Variants in ARHGEF28 observed in about 807,000 individuals in gnomAD.
ARHGEF28 encodes Rho guanine nucleotide exchange factor 28.
A neutral mutation model predicts 206.6 loss-of-function variants in ARHGEF28; 152 were observed. The ratio of observed to expected loss-of-function variants is 0.74; its 90% CI spans 0.64 to 0.84. The LOEUF (loss-of-function observed/expected upper bound fraction) is 0.84. ARHGEF28 is among the 40% of genes least tolerant of loss of function. ARHGEF28 has a pLI of 0.00. For synonymous variants in ARHGEF28, 763 were observed against 776.4 expected (o/e 0.98, Z 0.29); for missense variants, 2,028 against 2,073.2 (o/e 0.98, Z 0.42).
rs752676346 is a variant in ARHGEF28, at chr5:73,885,927, G to C, written c.3133G>C (p.Val1045Leu). Reference sequence around the variant, plus strand: ...CATGATTGCAACAGTGGATTTAAAAGTCAATGAATATGAGAAAAACCAAAA... The same window carrying C: ...CATGATTGCAACAGTGGATTTAAAACTCAATGAATATGAGAAAAACCAAAA... ...KDMIATVDLK[V>L]NEYEKNQKWL... The change falls in exon 25 of 36, where the codon GTC becomes CTC. Residue 1045 changes from valine to leucine, a missense_variant. Val to Leu is a conservative substitution (Grantham distance 32). This residue lies in a region of ARHGEF28 where 223 missense variants were observed against 289.9 expected (regional missense o/e 0.77). Coordinates refer to ENST00000513042, the MANE Select transcript of ARHGEF28 (RefSeq NM_001177693.2). The C allele has an allele frequency of 7.4e-6, 12 of 1,613,490 alleles. No individual in the cohort carries two copies. The highest frequency in any genetic ancestry group is 1.7e-5 in the Admixed American group (1 of 59,946).
chr5:73,797,999 A>T (rs1754923607), intron 9 of ARHGEF28, among the ~76,000 whole-genome samples: 1 of 152,196 alleles, frequency 6.6e-6, no homozygotes, highest in Admixed American at 6.5e-5. Context: ...ATTGTATTGG[A>T]CAGGGCAGAA....
At chr5:73,633,262 C>T (rs1220420398) in intron 1 of ARHGEF28, among the ~76,000 whole-genome samples, 1 of 152,140 alleles carries the variant, frequency 6.6e-6, no homozygotes, top group Non-Finnish European at 1.5e-5. Flanking sequence ...TCCTAACAGG[C>T]CATGGACCTG....
intron 31 of ARHGEF28, chr5:73,901,496 G>A (rs1762270474): frequency 5.1e-6 from 2 of 395,704 alleles, no homozygotes; most frequent in Non-Finnish European, 9.4e-6. Flanking sequence ...ACAAAGCAAC[G>A]ATTGAAAAGT....
At chr5:73,732,843 A>G (rs1218258676) in intron 2 of ARHGEF28, among the ~76,000 whole-genome samples, 1 of 152,234 alleles carries the variant, frequency 6.6e-6, no homozygotes, top group Non-Finnish European at 1.5e-5. Context: ...AAACACACAA[A>G]CAGTAGGAAA....
intron 16 of ARHGEF28, among the ~76,000 whole-genome samples, chr5:73,860,680 G>C (rs1283045559): frequency 1.3e-5 from 2 of 152,114 alleles, no homozygotes; most frequent in Admixed American, 6.6e-5. Flanking sequence ...TTCCAGGTAT[G>C]TTCATCTACA....
At chr5:73,874,891 G>T (rs889008788) in intron 22 of ARHGEF28, among the ~76,000 whole-genome samples, 4 of 150,918 alleles carry the variant, frequency 2.7e-5, no homozygotes, top group Non-Finnish European at 5.9e-5. Flanking sequence ...GTGTGCATGT[G>T]TCTTTATAGC....
chr5:73,872,806 T>C (rs1580015654), intron 21 of ARHGEF28, among the ~76,000 whole-genome samples, 193 bp from the exon 22 acceptor site: 1 of 152,232 alleles, frequency 6.6e-6, no homozygotes, highest in East Asian at 1.9e-4. Context: ...AATATCTGGA[T>C]AAAAGAAAAT....
intron 2 of ARHGEF28, among the ~76,000 whole-genome samples, chr5:73,719,448 T>G (rs899858640): frequency 6.6e-6 from 1 of 152,090 alleles, no homozygotes; most frequent in East Asian, 1.9e-4. Context: ...GATTTGAATT[T>G]TTCAAACTCT....
At chr5:73,771,514 C>G (rs1753222472) in intron 4 of ARHGEF28, among the ~76,000 whole-genome samples, 1 of 151,352 alleles carries the variant, frequency 6.6e-6, no homozygotes, top group Non-Finnish European at 1.5e-5. Context: ...CACCACCGCA[C>G]TCCAGCCTGG....
chr5:73,748,030 T>TA (rs1220188511), intron 2 of ARHGEF28, among the ~76,000 whole-genome samples: 19 of 152,092 alleles, frequency 1.2e-4, no homozygotes, highest in Non-Finnish European at 2.1e-4. Context: ...TTTTTTTATT[T>TA]AAAAAAAATC....
At position 73,670,450 on chromosome 5, in the gene ARHGEF28, A is replaced by G. The variant is rs571739806; in HGVS notation, c.-11-14391A>G. On this transcript the variant is annotated intron_variant, in intron 1 of 35. Coordinates refer to ENST00000513042, the MANE Select transcript of ARHGEF28 (RefSeq NM_001177693.2). ...TGATTCTAATTTTTGGCTATTACAA[A>G]TAAGACTGCTATGAACAATCATGTA... Among the ~76,000 whole-genome samples, 6 of 152,358 alleles carry G rather than the reference A, an allele frequency of 3.9e-5. No homozygotes were observed. In the South Asian group the frequency reaches 8.3e-4, roughly 21 times the overall value.
chr5:73,747,409 A>G (rs1442065590), intron 2 of ARHGEF28, among the ~76,000 whole-genome samples: 1 of 152,216 alleles, frequency 6.6e-6, no homozygotes, highest in African/African-American at 2.4e-5. Context: ...GTGGTTGGCT[A>G]TTTAAGCTGT....
At chr5:73,872,092 T>TTTGCA (rs1760140720) in intron 21 of ARHGEF28, among the ~76,000 whole-genome samples, 1 of 152,198 alleles carries the variant, frequency 6.6e-6, no homozygotes, top group African/African-American at 2.4e-5. Flanking sequence ...GCTATACCAT[T>TTTGCA]TTGCATTCCC....
chr5:73,696,968 G>A (rs1187967316), intron 2 of ARHGEF28, among the ~76,000 whole-genome samples: 1 of 152,220 alleles, frequency 6.6e-6, no homozygotes, highest in East Asian at 1.9e-4. Context: ...AAGAGATAGA[G>A]AGATGGTCCA....
At chr5:73,696,322 A>G (rs1332341906) in intron 2 of ARHGEF28, among the ~76,000 whole-genome samples, 3 of 152,190 alleles carry the variant, frequency 2.0e-5, no homozygotes, top group Non-Finnish European at 1.5e-5. Context: ...AGCTCCAGCC[A>G]TACCCTTCTG....
chr5:73,916,548 C>G (rs1178500405), intron 35 of ARHGEF28, among the ~76,000 whole-genome samples: 1 of 152,194 alleles, frequency 6.6e-6, no homozygotes, highest in Non-Finnish European at 1.5e-5. Flanking sequence ...TGCGTCTTCA[C>G]CTGGTCTTCC....
At chr5:73,760,482 T>C (rs1580579972) in intron 4 of ARHGEF28, among the ~76,000 whole-genome samples, 1 of 152,298 alleles carries the variant, frequency 6.6e-6, no homozygotes, top group East Asian at 1.9e-4. Flanking sequence ...CTCTACACCT[T>C]TTCTGACATT....
At chr5:73,750,293 TATCACCTCCTA>T (rs1751958348) in intron 3 of ARHGEF28, among the ~76,000 whole-genome samples, 1 of 152,086 alleles carries the variant, frequency 6.6e-6, no homozygotes, top group South Asian at 2.1e-4. Context: ...GTCTATTGAG[TATCACCTCCTA>T]ATCACCTCCT....
intron 10 of ARHGEF28, 138 bp from the exon 11 acceptor site, chr5:73,840,342 T>G: frequency 1.3e-6 from 1 of 752,874 alleles, no homozygotes; most frequent in Non-Finnish European, 2.1e-6. Flanking sequence ...CTTGAACTCC[T>G]GACCTCAAGT....
Sources: allele counts gnomAD v4.1 joint callset (sites outside exome capture counted in the v4.1 genomes callset), GRCh38; gene constraint gnomAD v4.1.1; regional missense constraint gnomAD v4.1.1; transcripts MANE v1.5; gene names NCBI Gene and HGNC (gene_info 2026-07-23, HGNC 2026-07-21).